TASP1: variants seen among roughly 807,000 people sequenced by gnomAD.
The protein encoded by TASP1 is taspase 1, also known as threonine aspartase 1.
A neutral mutation model predicts 56.6 loss-of-function variants in TASP1; 16 were observed. The ratio of observed to expected loss-of-function variants is 0.28; its 90% CI spans 0.19 to 0.43. The LOEUF is 0.43. TASP1 is among the 20% of genes least tolerant of loss of function. The pLI is 1.00. For missense variants in TASP1, 393 were observed against 511.6 expected, an observed-to-expected ratio of 0.77 and a Z score of 2.24; for synonymous variants, 179 against 184.2, an observed-to-expected ratio of 0.97 and a Z score of 0.23.
the TASP1 span, among the ~76,000 whole-genome samples, chr20:13,184,194 A>G: frequency 1.3e-5 from 2 of 152,152 alleles, no homozygotes; most frequent in South Asian, 4.1e-4. Flanking sequence ...AGATCAAGTG[A>G]CAGTAACCTC....
chr20:13,252,936 C>A, the TASP1 span, among the ~76,000 whole-genome samples: 634 of 152,264 alleles, frequency 4.2e-3, 4 homozygotes, highest in Admixed American at 0.018. Context: ...CCCAGCCCCC[C>A]CTCTCAGATC....
At chr20:13,232,789 T>A in the TASP1 span, among the ~76,000 whole-genome samples, 2 of 152,228 alleles carry the variant, frequency 1.3e-5, no homozygotes, top group East Asian at 3.8e-4. Context: ...CATTTGAAGG[T>A]TGAATCCCAG....
chr20:13,163,105 C>T, the TASP1 span, among the ~76,000 whole-genome samples: 5 of 152,068 alleles, frequency 3.3e-5, no homozygotes, highest in African/African-American at 7.2e-5. Context: ...CAGTGGCTCA[C>T]GCCTATAATC....
the TASP1 span, among the ~76,000 whole-genome samples, chr20:13,340,699 T>C: frequency 6.6e-6 from 1 of 152,202 alleles, no homozygotes; most frequent in Non-Finnish European, 1.5e-5. Context: ...CTTAGTGATT[T>C]TGAAATATAC....
rs1325323088 is a variant in TASP1, at chr20:13,474,768, C to G, written c.985+8459G>C. On this transcript the variant is annotated intron_variant, in intron 11 of 13. Coordinates refer to ENST00000337743, the MANE Select transcript of TASP1 (RefSeq NM_017714.3). ...TTTCTACCAGCAGTGTAAAAGTGTTCTCTTTACATTACATCCATGCCAACA... is the reference window on the plus strand; with the variant it reads ...TTTCTACCAGCAGTGTAAAAGTGTTGTCTTTACATTACATCCATGCCAACA... Among the ~76,000 whole-genome samples, 9 of 152,282 alleles carry G rather than the reference C, an allele frequency of 5.9e-5. No individual in the cohort carries two copies. The South Asian group carries it at 1.9e-3, about 32-fold the overall frequency.
chr20:13,616,096 A>C (rs2048515217), intron 4 of TASP1, among the ~76,000 whole-genome samples: 1 of 151,882 alleles, frequency 6.6e-6, no homozygotes, highest in African/African-American at 2.4e-5. Flanking sequence ...CACACACACA[A>C]TCATTCAAAA....
the TASP1 span, among the ~76,000 whole-genome samples, chr20:13,336,704 A>T: frequency 6.6e-6 from 1 of 152,212 alleles, no homozygotes; most frequent in Non-Finnish European, 1.5e-5. Flanking sequence ...TCTACAAATT[A>T]TGTACCCAGC....
rs2046280484 is a variant in TASP1, at chr20:13,559,779, A to G, written c.569-665T>C. ...AACACAAATGCAAATACTCCCCAGA[A>G]AAACAAACTGGCCTTAACTTACCCA... is the stretch of plus-strand genomic sequence containing the variant. On this transcript the variant is annotated intron_variant, in intron 7 of 13. Coordinates refer to ENST00000337743, the MANE Select transcript of TASP1 (RefSeq NM_017714.3). Among the ~76,000 whole-genome samples, 3 of 152,294 alleles carry G rather than the reference A, an allele frequency of 2.0e-5. No homozygotes were observed. In the South Asian group the frequency reaches 6.2e-4, roughly 32 times the overall value.
chr20:13,206,873 C>T, the TASP1 span, among the ~76,000 whole-genome samples: 1 of 152,072 alleles, frequency 6.6e-6, no homozygotes, highest in Non-Finnish European at 1.5e-5. Context: ...TGAATGCACA[C>T]ATAGAATTTT....
intron 1 of TASP1, among the ~76,000 whole-genome samples, chr20:13,637,097 G>A (rs1258497323): frequency 6.6e-6 from 1 of 152,102 alleles, no homozygotes; most frequent in Non-Finnish European, 1.5e-5. Context: ...GGAATTAAAT[G>A]GACATTTCTC....
intron 11 of TASP1, among the ~76,000 whole-genome samples, chr20:13,457,642 G>T (rs1343209809): frequency 6.6e-6 from 1 of 151,618 alleles, no homozygotes; most frequent in Non-Finnish European, 1.5e-5. Flanking sequence ...TTAGATTCAG[G>T]AAGTATACAG....
chr20:13,595,987 C>G (rs1001514799), intron 4 of TASP1, among the ~76,000 whole-genome samples: 2 of 152,160 alleles, frequency 1.3e-5, no homozygotes, highest in Admixed American at 1.3e-4. Flanking sequence ...TAAAGCACTC[C>G]TCAGCAAATG....
At chr20:13,251,540 T>C in the TASP1 span, among the ~76,000 whole-genome samples, 1 of 152,152 alleles carries the variant, frequency 6.6e-6, no homozygotes, top group Non-Finnish European at 1.5e-5. Flanking sequence ...CCTGAGATCA[T>C]GATCTGGCAT....
At chr20:13,235,290 A>T in the TASP1 span, among the ~76,000 whole-genome samples, 3,654 of 152,292 alleles carry the variant, frequency 0.024, 59 homozygotes, top group African/African-American at 0.036. Context: ...CATCAGTCAT[A>T]TCTGTTACCA....
At chr20:13,593,218 TA>T (rs1046290559) in intron 4 of TASP1, among the ~76,000 whole-genome samples, 2 of 151,304 alleles carry the variant, frequency 1.3e-5, no homozygotes, top group East Asian at 1.9e-4. Flanking sequence ...ATTAAACAGT[TA>T]AAAAAAAATC....
intron 13 of TASP1, among the ~76,000 whole-genome samples, chr20:13,411,440 G>A (rs1048991653): frequency 6.6e-6 from 1 of 152,142 alleles, no homozygotes; most frequent in African/African-American, 2.4e-5. Flanking sequence ...CCATTTGTCT[G>A]TGTCCTCTTC....
At chr20:13,494,494 G>T (rs1044895324) in intron 10 of TASP1, among the ~76,000 whole-genome samples, 1 of 151,968 alleles carries the variant, frequency 6.6e-6, no homozygotes. Flanking sequence ...AGGGAGAAAG[G>T]GTCACTGACT....
chr20:13,342,718 C>A, the TASP1 span, among the ~76,000 whole-genome samples: 2 of 152,176 alleles, frequency 1.3e-5, no homozygotes. Context: ...GGAGATTTCA[C>A]AAGAGCCATA....
chr20:13,171,424 T>C, the TASP1 span, among the ~76,000 whole-genome samples: 2 of 152,114 alleles, frequency 1.3e-5, no homozygotes, highest in East Asian at 3.8e-4. Flanking sequence ...AATTATCAAA[T>C]AAAACTTCAA....
Sources: gnomAD v4.1 joint callset for allele counts (sites outside exome capture counted in the v4.1 genomes callset) on GRCh38, gnomAD v4.1.1 for gene constraint, MANE v1.5 for transcripts, NCBI Gene and HGNC (gene_info 2026-07-23, HGNC 2026-07-21) for gene names.